MYO1E: variants seen among roughly 807,000 people sequenced by gnomAD.
MYO1E encodes the protein myosin IE, also known as unconventional myosin-Ie.
A neutral mutation model predicts 151.1 loss-of-function variants in MYO1E; 68 were observed. That is an observed-to-expected ratio of 0.45 (90% CI 0.37 to 0.55). MYO1E has a LOEUF of 0.55. Among genes scored for constraint, MYO1E ranks in the 20% least tolerant of loss-of-function variants. The pLI is 0.00. For synonymous variants in MYO1E, 601 were observed against 501.7 expected (o/e 1.20, Z -2.64); for missense variants, 1,363 against 1,389.3 (o/e 0.98, Z 0.30).
At chr15:59,146,233 G>C (rs1050264805) in intron 26 of MYO1E, among the ~76,000 whole-genome samples, 6 of 152,158 alleles carry the variant, frequency 3.9e-5, no homozygotes, top group Admixed American at 3.9e-4. Context: ...CTGTGATACA[G>C]TATTTGTATT....
chr15:59,205,518 T>C (rs2079828003), intron 14 of MYO1E, 33 bp from the exon 15 acceptor site: 1 of 1,560,270 alleles, frequency 6.4e-7, no homozygotes, highest in Non-Finnish European at 8.8e-7. Context: ...CGAATTTCAT[T>C]GAACAAAATG....
chr15:59,241,993 G>A (rs1462040869), intron 4 of MYO1E, among the ~76,000 whole-genome samples: 1 of 152,038 alleles, frequency 6.6e-6, no homozygotes, highest in African/African-American at 2.4e-5. Context: ...TGGGAAGCTG[G>A]GAGGGGTAGG....
chr15:59,256,252 T>C (rs1325575285), intron 4 of MYO1E, 32 bp downstream of exon 4: 1 of 1,506,186 alleles, frequency 6.6e-7, no homozygotes, highest in East Asian at 2.3e-5. Flanking sequence ...TCTCATATCT[T>C]CCACGCCCAC....
intron 2 of MYO1E, among the ~76,000 whole-genome samples, chr15:59,265,187 C>T (rs956262303): frequency 5.3e-5 from 8 of 152,094 alleles, no homozygotes; most frequent in Admixed American, 3.9e-4. Context: ...CAAATAAGCT[C>T]CTTCCATGGA....
At chr15:59,318,557 A>G (rs67552459) in intron 1 of MYO1E, among the ~76,000 whole-genome samples, 21,022 of 152,236 alleles carry the variant, frequency 0.14, 1,671 homozygotes, top group East Asian at 0.27. Context: ...AAAGATTTCA[A>G]AATTATTAGT....
intron 1 of MYO1E, among the ~76,000 whole-genome samples, chr15:59,282,696 A>G (rs991593403): frequency 2.0e-5 from 3 of 149,798 alleles, no homozygotes; most frequent in Non-Finnish European, 4.4e-5. Context: ...AAATCAAAAC[A>G]TTAGCTGGAC....
intron 1 of MYO1E, among the ~76,000 whole-genome samples, chr15:59,347,478 T>A (rs1054840989): frequency 1.3e-5 from 2 of 152,264 alleles, no homozygotes; most frequent in African/African-American, 2.4e-5. Context: ...CTTTGACACA[T>A]TGATTCTAAA....
intron 26 of MYO1E, 30 bp from the exon 27 acceptor site, chr15:59,138,397 G>C: frequency 6.2e-7 from 1 of 1,612,456 alleles, no homozygotes. Context: ...GATGAGACTG[G>C]GCCCCAACAG....
chr15:59,304,073 C>T (rs989394444), intron 1 of MYO1E, among the ~76,000 whole-genome samples: 1 of 151,416 alleles, frequency 6.6e-6, no homozygotes, highest in South Asian at 2.1e-4. Context: ...ACCTCTGCCT[C>T]CTGGGTTCAA....
At chr15:59,268,869 G>T (rs1470167026) in intron 2 of MYO1E, among the ~76,000 whole-genome samples, 3 of 151,678 alleles carry the variant, frequency 2.0e-5, no homozygotes, top group Non-Finnish European at 4.4e-5. Flanking sequence ...GTAAACAATC[G>T]TGATTGGGAG....
At chr15:59,179,730 T>G (rs1255981906) in intron 18 of MYO1E, among the ~76,000 whole-genome samples, 4 of 152,234 alleles carry the variant, frequency 2.6e-5, no homozygotes, top group Non-Finnish European at 4.4e-5. Context: ...TGGTTCACAT[T>G]TAAATATTTC....
intron 17 of MYO1E, among the ~76,000 whole-genome samples, chr15:59,191,981 A>C (rs563083648): frequency 6.6e-6 from 1 of 152,230 alleles, no homozygotes; most frequent in Non-Finnish European, 1.5e-5. Context: ...CGCATTTGCA[A>C]CAGGAAAAGA....
At chr15:59,146,725 A>G (rs1243816940) in intron 26 of MYO1E, among the ~76,000 whole-genome samples, 4 of 148,626 alleles carry the variant, frequency 2.7e-5, no homozygotes, top group African/African-American at 7.3e-5. Context: ...CTTATATTGT[A>G]TATATTATTT....
chr15:59,313,389 T>C (rs1231502221), intron 1 of MYO1E, among the ~76,000 whole-genome samples: 5 of 152,174 alleles, frequency 3.3e-5, no homozygotes, highest in Non-Finnish European at 5.9e-5. Flanking sequence ...ACAGGTCTGA[T>C]GTCATGGTTC....
At chr15:59,226,805 T>G (rs1431704100) in intron 7 of MYO1E, among the ~76,000 whole-genome samples, 1 of 152,048 alleles carries the variant, frequency 6.6e-6, no homozygotes, top group Non-Finnish European at 1.5e-5. Flanking sequence ...AGACACTGTC[T>G]CAAATAAAAA....
At chr15:59,230,669 A>G (rs1296074013) in intron 6 of MYO1E, among the ~76,000 whole-genome samples, 1 of 152,244 alleles carries the variant, frequency 6.6e-6, no homozygotes, top group Non-Finnish European at 1.5e-5. Flanking sequence ...TTGGAAAGCA[A>G]AGAAAGTAAG....
At chr15:59,199,134 C>T (rs560260179) in intron 16 of MYO1E, among the ~76,000 whole-genome samples, 63 of 152,246 alleles carry the variant, frequency 4.1e-4, no homozygotes, top group Admixed American at 4.6e-4. Context: ...CTCGCTCTGT[C>T]GCCCAGGCTG....
At chr15:59,244,864 T>C (rs1193698139) in intron 4 of MYO1E, among the ~76,000 whole-genome samples, 1 of 152,168 alleles carries the variant, frequency 6.6e-6, no homozygotes, top group African/African-American at 2.4e-5. Flanking sequence ...GTTATGTTTA[T>C]GGGTAATATA....
chr15:59,345,610 C>G (rs764311640), intron 1 of MYO1E, among the ~76,000 whole-genome samples: 2 of 152,222 alleles, frequency 1.3e-5, no homozygotes, highest in Non-Finnish European at 2.9e-5. Flanking sequence ...TGCCTAACTA[C>G]TTTTATACTT....
Sources: gnomAD v4.1 joint callset for allele counts (sites outside exome capture counted in the v4.1 genomes callset) on GRCh38, gnomAD v4.1.1 for gene constraint, MANE v1.5 for transcripts, NCBI Gene and HGNC (gene_info 2026-07-23, HGNC 2026-07-21) for gene names.